Variants in SAE1 observed in about 807,000 individuals in gnomAD.
SAE1 encodes the protein SUMO-activating enzyme subunit 1.
A neutral mutation model predicts 40.6 loss-of-function variants in SAE1; 11 were observed. The observed-to-expected ratio is 0.27, with a 90% CI of 0.17 to 0.45. The LOEUF (loss-of-function observed/expected upper bound fraction) is 0.45, where lower values mean the gene tolerates loss of function less well. Among genes scored for constraint, SAE1 ranks in the 20% least tolerant of loss-of-function variants. The probability of loss-of-function intolerance (pLI) is 1.00; values close to 1 mark genes in which losing one functional copy is unlikely to be tolerated. For missense variants in SAE1, 373 were observed against 427.3 expected (o/e 0.87, Z 1.12); for synonymous variants, 155 against 154.3 (o/e 1.00, Z -0.03).
intron 7 of SAE1, among the ~76,000 whole-genome samples, chr19:47,203,182 A>T (rs1173859775): frequency 6.6e-6 from 1 of 152,142 alleles, no homozygotes; most frequent in Non-Finnish European, 1.5e-5. Flanking sequence ...GCTGGTTTCT[A>T]TGTGGGTTGT....
chr19:47,174,882 T>C (rs565609975), intron 6 of SAE1, among the ~76,000 whole-genome samples: 23 of 152,076 alleles, frequency 1.5e-4, no homozygotes, highest in African/African-American at 5.1e-4. Context: ...CACATTTTTG[T>C]ATTTTTAGTA....
At chr19:47,152,799 C>A in intron 3 of SAE1, 99 bp from the exon 4 acceptor site, 1 of 1,149,506 alleles carries the variant, frequency 8.7e-7, no homozygotes, top group Non-Finnish European at 1.2e-6. Flanking sequence ...ATGCTTTGAG[C>A]ATGCCCAGAG....
intron 7 of SAE1, among the ~76,000 whole-genome samples, chr19:47,198,741 C>A (rs935443062): frequency 6.6e-6 from 1 of 152,186 alleles, no homozygotes; most frequent in African/African-American, 2.4e-5. Context: ...AAACCCCACT[C>A]CATTTAGGGC....
In SAE1 at chr19:47,210,276, AC is replaced by A. The variant is rs2058707168; in HGVS notation, c.*1026del. On this transcript the variant is annotated 3_prime_UTR_variant, in exon 9 of 9. Coordinates refer to ENST00000270225, the MANE Select transcript of SAE1 (RefSeq NM_005500.3). ...TTGCCTTTTCAGACCTGAGGCTCTA[AC>A]TCAAGAGATTCCTCCTCTCCCTCAC... 1 of 152,096 alleles carries A rather than the reference AC, an allele frequency of 6.6e-6. No homozygotes were observed. The highest frequency in any genetic ancestry group is 6.6e-5 in the Admixed American group (1 of 15,260). The allele number at this position is 152,096 out of a possible 1,614,324, so 9.4% of individuals were successfully genotyped here. A position where few individuals can be genotyped will look rare whatever the true frequency, so the allele number is the denominator to read the frequency against.
intron 5 of SAE1, among the ~76,000 whole-genome samples, chr19:47,167,755 C>T (rs1029785671): frequency 1.3e-5 from 2 of 152,006 alleles, no homozygotes; most frequent in Admixed American, 1.3e-4. Context: ...TCCCCCCCAC[C>T]GCCCACCACC....
At chr19:47,170,056 A>C (rs777952518) in intron 6 of SAE1, 133 bp downstream of exon 6, 8 of 677,386 alleles carry the variant, frequency 1.2e-5, no homozygotes, top group Non-Finnish European at 2.1e-5. Flanking sequence ...CTCAGTGATC[A>C]CTTGAGAAAG....
In SAE1 at chr19:47,143,521, C is replaced by T. The variant is rs372420431; in HGVS notation, c.126C>T (p.Val42=). ...KRLRASRVLL[V]GLKGLGAEIA... ...TGCGGGCCTCTCGGGTGCTTCTTGT[C>T]GGCTTGAAAGGACTTGGGGCTGAAA... The change falls in exon 2 of 9, where the codon GTC becomes GTT. Residue 42 remains valine, a synonymous_variant. Transcript: ENST00000270225. 2.4e-5 allele frequency: 38 copies of T among 1,613,914 alleles called. No homozygotes were observed. The highest frequency in any genetic ancestry group is 3.0e-5 in the Non-Finnish European group (35 of 1,179,994).
chr19:47,203,746 ACAT>A lies in SAE1; in HGVS notation c.948+9_948+11del, dbSNP rs780165342. On this transcript the variant is annotated splice_region_variant and intron_variant, in intron 8 of 8. Coordinates refer to ENST00000270225, the MANE Select transcript of SAE1 (RefSeq NM_005500.3). ...TGGCACAGGAAATTGTGAAGGTAAA[ACAT>A]CACTGTGGAGCAGAAAATTGTTAAC... The A allele has an allele frequency of 6.2e-7, 1 of 1,612,670 alleles. No individual in the cohort carries two copies. The highest frequency in any genetic ancestry group is 1.3e-5 in the African/African-American group (1 of 75,006).
intron 6 of SAE1, among the ~76,000 whole-genome samples, chr19:47,194,674 T>C (rs549202202): frequency 2.0e-5 from 3 of 151,686 alleles, no homozygotes; most frequent in Non-Finnish European, 2.9e-5. Context: ...CAAGAATGCC[T>C]GCCCGCCCGC....
At chr19:47,181,995 A>T (rs1192326454) in intron 6 of SAE1, among the ~76,000 whole-genome samples, 2 of 151,764 alleles carry the variant, frequency 1.3e-5, no homozygotes, top group Non-Finnish European at 2.9e-5. Flanking sequence ...TCCATGGCCT[A>T]GGCTGGTCTT....
rs2058701829 is a variant in SAE1, at chr19:47,209,349, T to C, written c.*98T>C. The stretch of plus-strand genomic sequence containing the variant: ...GAAGGCATCTCCAGGCAAGGAAAAC[T>C]GAAGTCATTGGCCCGATACAAAACA... On this transcript the variant is annotated 3_prime_UTR_variant, in exon 9 of 9. Coordinates refer to ENST00000270225, the MANE Select transcript of SAE1 (RefSeq NM_005500.3). The C allele has an allele frequency of 6.3e-7, 1 of 1,596,242 alleles. No individual in the cohort carries two copies. The highest frequency in any genetic ancestry group is 8.6e-7 in the Non-Finnish European group (1 of 1,168,814).
At position 47,209,261 on chromosome 19, in the gene SAE1, T is replaced by G; in HGVS notation, c.*10T>G. ...CCTTGGCCCCAAGTGAACTCAAGAT[T>G]TGGCAGCCCCAGAGATGCCAACTGC... On this transcript the variant is annotated 3_prime_UTR_variant, in exon 9 of 9. Coordinates refer to ENST00000270225, the MANE Select transcript of SAE1 (RefSeq NM_005500.3). 1.2e-6 allele frequency: 2 copies of G among 1,614,128 alleles called. No homozygotes were observed. The highest frequency in any genetic ancestry group is 2.7e-5 in the African/African-American group (2 of 75,036).
intron 1 of SAE1, among the ~76,000 whole-genome samples, chr19:47,137,416 G>A (rs1365550314): frequency 6.6e-6 from 1 of 151,962 alleles, no homozygotes; most frequent in Non-Finnish European, 1.5e-5. Context: ...ATAAAATAAA[G>A]TAAAGAAGCA....
At chr19:47,178,414 G>A (rs982800324) in intron 6 of SAE1, among the ~76,000 whole-genome samples, 3 of 152,188 alleles carry the variant, frequency 2.0e-5, no homozygotes, top group African/African-American at 4.8e-5. Context: ...CAAGTTAGGG[G>A]AAAGTACTGT....
In SAE1 at chr19:47,143,394, C is replaced by T. The variant is rs141562737; in HGVS notation, c.99-100C>T. 29 of 901,284 alleles carry T rather than the reference C, an allele frequency of 3.2e-5. 1 individual carries two copies. Among genetic ancestry groups the T allele is most frequent in the East Asian group, 5.0e-5 (2 of 40,040 alleles). The allele number at this position is 901,284 out of a possible 1,614,324, so 55.8% of individuals were successfully genotyped here. A position where few individuals can be genotyped will look rare whatever the true frequency, so the allele number is the denominator to read the frequency against. On this transcript the variant is annotated intron_variant, in intron 1 of 8. Coordinates refer to ENST00000270225, the MANE Select transcript of SAE1 (RefSeq NM_005500.3). ...TGCTGGGATTACAGGCATGAGCCACCGTGCCTGGCAAACCAAAATGATTTG... is the reference window on the plus strand; with the variant it reads ...TGCTGGGATTACAGGCATGAGCCACTGTGCCTGGCAAACCAAAATGATTTG...
chr19:47,197,213 C>T lies in SAE1; in HGVS notation c.734-20C>T, dbSNP rs779794688. On this transcript the variant is annotated intron_variant, in intron 6 of 8. Transcript: ENST00000270225. ...AAAAAAAAGTGGCTTTATAACCTGC[C>T]TTCTTTTTCTTATTCCCAGTGCTCT... 1 of 1,581,988 alleles carries T rather than the reference C, an allele frequency of 6.3e-7. No individual in the cohort carries two copies. Among genetic ancestry groups the T allele is most frequent in the Non-Finnish European group, 8.5e-7 (1 of 1,169,622 alleles).
Position 47,203,689 on chromosome 19 carries a change from G to C in SAE1, c.897G>C (p.Met299Ile). ...CTTTTAGGTACTGCTTCTCCGAGATGGCCCCAGTGTGTGCGGTGGTTGGAG... is the reference window on the plus strand; with the variant it reads ...CTTTTAGGTACTGCTTCTCCGAGATCGCCCCAGTGTGTGCGGTGGTTGGAG... ...EDFVRYCFSE[M>I]APVCAVVGGI... Residue 299 changes from methionine (M) to isoleucine (I), a missense_variant, in exon 8 of 9, where the codon ATG becomes ATC. Met to Ile is a conservative substitution (Grantham distance 10). Transcript: ENST00000270225. The C allele has an allele frequency of 6.2e-7, 1 of 1,614,046 alleles. No homozygotes were observed. Among genetic ancestry groups the C allele is most frequent in the Non-Finnish European group, 8.5e-7 (1 of 1,179,958 alleles).
chr19:47,167,830 A>G (rs554293528), intron 5 of SAE1, among the ~76,000 whole-genome samples: 2 of 152,272 alleles, frequency 1.3e-5, no homozygotes, highest in East Asian at 1.9e-4. Flanking sequence ...TTTTTTTTAG[A>G]GACGGGATCT....
intron 7 of SAE1, among the ~76,000 whole-genome samples, chr19:47,199,361 G>GA (rs1201109265): frequency 6.7e-6 from 1 of 149,030 alleles, no homozygotes; most frequent in African/African-American, 2.5e-5. Flanking sequence ...CTCCAGCCTG[G>GA]GCGACAGAGC....
Sources: allele counts gnomAD v4.1 joint callset (sites outside exome capture counted in the v4.1 genomes callset), GRCh38; gene constraint gnomAD v4.1.1; transcripts MANE v1.5; gene names NCBI Gene and HGNC (gene_info 2026-07-23, HGNC 2026-07-21).